Variants in KCNH8 observed in about 807,000 individuals in gnomAD.
KCNH8 encodes the protein potassium voltage-gated channel subfamily H member 8, also known as voltage-gated delayed rectifier potassium channel KCNH8.
In KCNH8, 70 loss-of-function variants were observed where a neutral mutation model predicts 103.6. The observed-to-expected ratio is 0.68, with a 90% CI of 0.56 to 0.82. The LOEUF (loss-of-function observed/expected upper bound fraction) is 0.82, where lower values mean the gene tolerates loss of function less well. KCNH8 is among the 40% of genes least tolerant of loss of function. KCNH8 has a pLI of 0.00. For synonymous variants in KCNH8, 498 were observed against 489.4 expected, an observed-to-expected ratio of 1.02 and a Z score of -0.23; for missense variants, 1,217 against 1,329.9, an observed-to-expected ratio of 0.92 and a Z score of 1.32.
At chr3:19,258,166 A>G (rs1225723003) in intron 2 of KCNH8, among the ~76,000 whole-genome samples, 3 of 152,086 alleles carry the variant, frequency 2.0e-5, no homozygotes, top group Non-Finnish European at 4.4e-5. Flanking sequence ...ACTGCAACAT[A>G]TCTTTTGGGG....
intron 3 of KCNH8, among the ~76,000 whole-genome samples, chr3:19,299,792 C>T (rs1030195827): frequency 6.6e-6 from 1 of 151,844 alleles, no homozygotes; most frequent in African/African-American, 2.4e-5. Flanking sequence ...TTTTGGATGA[C>T]ACATCAATAA....
intron 3 of KCNH8, among the ~76,000 whole-genome samples, chr3:19,309,831 CTA>C (rs1291449067): frequency 6.6e-6 from 1 of 151,902 alleles, no homozygotes; most frequent in Non-Finnish European, 1.5e-5. Flanking sequence ...GAATCAGAAA[CTA>C]TGTGAAAATC....
intron 2 of KCNH8, among the ~76,000 whole-genome samples, chr3:19,266,948 G>T (rs181135138): frequency 6.1e-4 from 93 of 152,082 alleles, no homozygotes; most frequent in African/African-American, 2.0e-3. Context: ...ACAGAGAGAG[G>T]GATTGGTGGT....
chr3:19,370,881 T>G (rs1023273685), intron 5 of KCNH8, among the ~76,000 whole-genome samples: 1 of 152,094 alleles, frequency 6.6e-6, no homozygotes, highest in East Asian at 1.9e-4. Context: ...CTTCTTGAGA[T>G]AGTTTACTGA....
chr3:19,329,684 G>T (rs988526459), intron 3 of KCNH8, among the ~76,000 whole-genome samples: 8 of 152,066 alleles, frequency 5.3e-5, no homozygotes, highest in African/African-American at 1.9e-4. Context: ...TTGCAAATTT[G>T]GGATAACTTC....
chr3:19,341,149 CAGTGTGTTTACTGA>C (rs2065654466), intron 3 of KCNH8, among the ~76,000 whole-genome samples: 1 of 152,088 alleles, frequency 6.6e-6, no homozygotes, highest in Admixed American at 6.6e-5. Context: ...GCTGCATGCA[CAGTGTGTTTACTGA>C]AGCTGTGCAC....
chr3:19,375,331 C>T (rs1481163351), intron 5 of KCNH8, among the ~76,000 whole-genome samples: 7 of 148,930 alleles, frequency 4.7e-5, no homozygotes, highest in South Asian at 2.1e-4. Context: ...CTCTAAACTT[C>T]CCTTCTCGCT....
At chr3:19,204,651 T>C (rs921668040) in intron 1 of KCNH8, among the ~76,000 whole-genome samples, 2 of 152,026 alleles carry the variant, frequency 1.3e-5, no homozygotes, top group Non-Finnish European at 2.9e-5. Context: ...TAAAAAAATA[T>C]AATGCGCTCA....
intron 2 of KCNH8, among the ~76,000 whole-genome samples, chr3:19,256,164 G>T (rs764787724): frequency 3.3e-5 from 5 of 152,188 alleles, no homozygotes; most frequent in African/African-American, 4.8e-5. Flanking sequence ...TTACTTTGAG[G>T]TATTGAGATC....
At chr3:19,243,697 A>G (rs1202703913) in intron 1 of KCNH8, among the ~76,000 whole-genome samples, 1 of 152,174 alleles carries the variant, frequency 6.6e-6, no homozygotes, top group Non-Finnish European at 1.5e-5. Flanking sequence ...AATTTAAAAG[A>G]CCTATCAGTG....
At chr3:19,310,276 A>G (rs1224098602) in intron 3 of KCNH8, among the ~76,000 whole-genome samples, 1 of 151,950 alleles carries the variant, frequency 6.6e-6, no homozygotes, top group Admixed American at 6.6e-5. Flanking sequence ...TGACTAATAG[A>G]AAACTTTTTC....
chr3:19,261,997 T>G (rs1378753177), intron 2 of KCNH8, among the ~76,000 whole-genome samples: 1 of 151,916 alleles, frequency 6.6e-6, no homozygotes, highest in Non-Finnish European at 1.5e-5. Context: ...ACTATTACAT[T>G]TTTATTACTA....
intron 3 of KCNH8, among the ~76,000 whole-genome samples, chr3:19,342,355 G>A (rs1247820515): frequency 6.6e-6 from 1 of 152,052 alleles, no homozygotes; most frequent in African/African-American, 2.4e-5. Context: ...AAGTTCTTCT[G>A]TGTTCATGTA....
chr3:19,166,769 T>C (rs1187568762), intron 1 of KCNH8, among the ~76,000 whole-genome samples: 1 of 152,188 alleles, frequency 6.6e-6, no homozygotes, highest in Non-Finnish European at 1.5e-5. Context: ...AACTCTATGC[T>C]GCACTATAAA....
intron 15 of KCNH8, among the ~76,000 whole-genome samples, chr3:19,530,852 A>G (rs2069147645): frequency 6.6e-6 from 1 of 152,238 alleles, no homozygotes; most frequent in South Asian, 2.1e-4. Flanking sequence ...TAGACTGAAG[A>G]CTGTCATTCA....
intron 7 of KCNH8, among the ~76,000 whole-genome samples, chr3:19,428,466 G>A (rs916368602): frequency 5.3e-5 from 8 of 152,078 alleles, no homozygotes; most frequent in Admixed American, 2.0e-4. Context: ...TTAATATATA[G>A]GTTTTCAATA....
At chr3:19,514,502 T>C (rs890673921) in intron 13 of KCNH8, among the ~76,000 whole-genome samples, 1 of 151,936 alleles carries the variant, frequency 6.6e-6, no homozygotes, top group Non-Finnish European at 1.5e-5. Flanking sequence ...TATATGTTCT[T>C]TATAGAGAAA....
intron 8 of KCNH8, among the ~76,000 whole-genome samples, chr3:19,440,816 T>C (rs1252859035): frequency 6.6e-6 from 1 of 152,216 alleles, no homozygotes; most frequent in Non-Finnish European, 1.5e-5. Context: ...TGTTCTGACA[T>C]AATACCATAA....
At chr3:19,474,322 C>T (rs1239891692) in intron 11 of KCNH8, among the ~76,000 whole-genome samples, 4 of 152,148 alleles carry the variant, frequency 2.6e-5, no homozygotes, top group Admixed American at 6.5e-5. Context: ...CTGCTTACAG[C>T]GCAGCACAGA....
Sources: gnomAD v4.1 joint callset for allele counts (sites outside exome capture counted in the v4.1 genomes callset) on GRCh38, gnomAD v4.1.1 for gene constraint, MANE v1.5 for transcripts, NCBI Gene and HGNC (gene_info 2026-07-23, HGNC 2026-07-21) for gene names.